Variants in EXOC4 observed in about 807,000 individuals in gnomAD.
The protein encoded by EXOC4 is exocyst complex component 4, also known as SEC8-like 1.
In EXOC4, 71 loss-of-function variants were observed where a neutral mutation model predicts 107.2. The ratio of observed to expected loss-of-function variants is 0.66; its 90% confidence interval spans 0.55 to 0.81. EXOC4 has a LOEUF of 0.81. Ranked by LOEUF, EXOC4 falls within the 30% of genes least tolerant of loss-of-function variation. The pLI, the probability that EXOC4 is intolerant of heterozygous loss-of-function variation, is 0.00. For synonymous variants in EXOC4, 456 were observed against 441.2 expected (o/e 1.03, Z -0.42); for missense variants, 1,108 against 1,189.6 (o/e 0.93, Z 1.01).
intron 7 of EXOC4, among the ~76,000 whole-genome samples, chr7:133,407,600 A>C (rs943987229): frequency 9.2e-5 from 14 of 152,212 alleles, no homozygotes; most frequent in African/African-American, 3.4e-4. Context: ...AAGGATAGCA[A>C]CCTTGGGTAA....
At chr7:133,695,212 G>A (rs1794507713) in intron 10 of EXOC4, among the ~76,000 whole-genome samples, 1 of 151,708 alleles carries the variant, frequency 6.6e-6, no homozygotes, top group Non-Finnish European at 1.5e-5. Context: ...ACATATGTGT[G>A]AGAACACACA....
intron 17 of EXOC4, among the ~76,000 whole-genome samples, chr7:134,063,017 G>A (rs560113283): frequency 6.6e-6 from 1 of 152,332 alleles, no homozygotes; most frequent in South Asian, 2.1e-4. Context: ...GATTGTCACA[G>A]TAATCTTCCA....
At chr7:133,344,975 C>G (rs1380967879) in intron 5 of EXOC4, among the ~76,000 whole-genome samples, 1 of 152,100 alleles carries the variant, frequency 6.6e-6, no homozygotes, top group Non-Finnish European at 1.5e-5. Flanking sequence ...GTTCAGTTTT[C>G]AAGTGATCCC....
Position 133,564,981 on chromosome 7 carries a change from A to AC in EXOC4, c.1418-65063dup, listed in dbSNP as rs1297911742. Among the ~76,000 whole-genome samples the AC allele has an allele frequency of 7.2e-5, 11 of 152,296 alleles. No individual in the cohort carries two copies. In the East Asian group the frequency reaches 2.1e-3, roughly 29 times the overall value. On this transcript the variant is annotated intron_variant, in intron 9 of 17. Transcript: ENST00000253861. ...CAAGTACAGACAACCTCGGGGTCTAACATGTGAGAGTGGAATTGCGATAGA... is the reference window on the plus strand; with the variant it reads ...CAAGTACAGACAACCTCGGGGTCTAACCATGTGAGAGTGGAATTGCGATAGA...
At chr7:133,435,240 G>C (rs566093542) in intron 7 of EXOC4, among the ~76,000 whole-genome samples, 1 of 152,160 alleles carries the variant, frequency 6.6e-6, no homozygotes, top group Admixed American at 6.5e-5. Flanking sequence ...CTTGTCACAT[G>C]TGAAGGCACG....
intron 7 of EXOC4, among the ~76,000 whole-genome samples, chr7:133,474,759 A>G (rs1798968457): frequency 6.6e-6 from 1 of 152,040 alleles, no homozygotes; most frequent in Non-Finnish European, 1.5e-5. Flanking sequence ...TTTAGTATTT[A>G]TCCACTATGT....
Position 133,817,384 on chromosome 7 carries a change from G to C in EXOC4, c.1574G>C (p.Arg525Pro), listed in dbSNP as rs776629991. The change falls in exon 11 of 18, where the codon CGA (arginine) becomes CCA (proline). Residue 525 changes from arginine (R) to proline (P), a missense_variant. Arg to Pro is a moderately radical substitution (Grantham distance 103). Coordinates refer to ENST00000253861, the MANE Select transcript of EXOC4 (RefSeq NM_021807.4). The stretch of plus-strand genomic sequence containing the variant: ...GGCCCAGCCAAACAGTGTCCTCTTC[G>C]AGAGTTTCTCACCGTGTACATCAAA... ...GLGPAKQCPL[R>P]EFLTVYIKNI... 6.8e-6 allele frequency: 11 copies of C among 1,614,032 alleles called. No individual in the cohort carries two copies. Among genetic ancestry groups the C allele is most frequent in the Non-Finnish European group, 9.3e-6 (11 of 1,179,968 alleles).
the EXOC4 span, among the ~76,000 whole-genome samples, chr7:134,079,936 C>T: frequency 6.6e-6 from 1 of 152,196 alleles, no homozygotes. Flanking sequence ...AAACAGGCTC[C>T]CTCTCCAAGG....
chr7:133,339,032 G>A (rs564111711), intron 5 of EXOC4, among the ~76,000 whole-genome samples: 11 of 152,230 alleles, frequency 7.2e-5, no homozygotes, highest in South Asian at 2.1e-4. Flanking sequence ...GATTACAGGC[G>A]TGAGCCACTG....
At chr7:133,411,761 AG>A in intron 7 of EXOC4, among the ~76,000 whole-genome samples, 1 of 152,114 alleles carries the variant, frequency 6.6e-6, no homozygotes. Context: ...ACTCCAGAGA[AG>A]GCATCTCCAG....
At chr7:133,871,306 C>G (rs1027573246) in intron 11 of EXOC4, among the ~76,000 whole-genome samples, 1 of 151,814 alleles carries the variant, frequency 6.6e-6, no homozygotes, top group African/African-American at 2.4e-5. Context: ...CCAAAAAAAT[C>G]ACCACAAAAA....
At chr7:133,532,918 G>A (rs541712727) in intron 9 of EXOC4, among the ~76,000 whole-genome samples, 2 of 152,074 alleles carry the variant, frequency 1.3e-5, no homozygotes, top group South Asian at 4.1e-4. Context: ...CTAGAGATTT[G>A]CTTTGAATGT....
intron 9 of EXOC4, among the ~76,000 whole-genome samples, chr7:133,552,135 AC>A (rs1468302435): frequency 6.6e-6 from 1 of 152,174 alleles, no homozygotes; most frequent in Non-Finnish European, 1.5e-5. Context: ...CATTCTGACT[AC>A]ATGATATTGC....
downstream of EXOC4, chr7:134,066,256 C>T (rs1796175702): frequency 6.6e-6 from 1 of 152,172 alleles, no homozygotes; most frequent in African/African-American, 2.4e-5. Context: ...CCTGTCCACT[C>T]CAGGCGGAGA....
intron 10 of EXOC4, among the ~76,000 whole-genome samples, chr7:133,697,851 T>G (rs1794570814): frequency 6.6e-6 from 1 of 151,912 alleles, no homozygotes. Flanking sequence ...ATACCAAAGG[T>G]GGGTGATTTT....
chr7:133,750,102 G>A (rs533570819), intron 10 of EXOC4, among the ~76,000 whole-genome samples: 1 of 151,472 alleles, frequency 6.6e-6, no homozygotes, highest in East Asian at 1.9e-4. Context: ...TGTTTTTCTT[G>A]GGTCATAAGC....
chr7:133,577,756 C>T (rs796125048), intron 9 of EXOC4, among the ~76,000 whole-genome samples: 10 of 152,162 alleles, frequency 6.6e-5, no homozygotes, highest in African/African-American at 1.7e-4. Context: ...ATTTGTTTTC[C>T]GTAGGTCATA....
chr7:133,848,482 A>T (rs1267416043), intron 11 of EXOC4, among the ~76,000 whole-genome samples: 1 of 152,246 alleles, frequency 6.6e-6, no homozygotes, highest in East Asian at 1.9e-4. Flanking sequence ...CTAGCAGGCA[A>T]ACATGTCTAA....
intron 7 of EXOC4, among the ~76,000 whole-genome samples, chr7:133,415,186 C>T (rs1282974665): frequency 7.0e-6 from 1 of 143,644 alleles, no homozygotes; most frequent in African/African-American, 2.6e-5. Flanking sequence ...ATTAGTTGAA[C>T]ATTTGGGTTG....
Sources: allele counts gnomAD v4.1 joint callset (sites outside exome capture counted in the v4.1 genomes callset), GRCh38; gene constraint gnomAD v4.1.1; transcripts MANE v1.5; gene names NCBI Gene and HGNC (gene_info 2026-07-23, HGNC 2026-07-21).